SLC25A21: variants seen among roughly 807,000 people sequenced by gnomAD.
SLC25A21 encodes the protein mitochondrial 2-oxodicarboxylate carrier.
In SLC25A21, 47 loss-of-function variants were observed where a neutral mutation model predicts 43.8. The observed-to-expected ratio is 1.07, with a 90% CI of 0.85 to 1.37. The LOEUF is 1.37. Among genes scored for constraint, SLC25A21 ranks in the 40% most tolerant of loss-of-function variants. SLC25A21 has a pLI of 0.00. For missense variants in SLC25A21, 352 were observed against 350.2 expected (o/e 1.00, Z -0.04); for synonymous variants, 131 against 121.3 (o/e 1.08, Z -0.52).
chr14:36,825,432 G>T (rs554908373), intron 2 of SLC25A21, among the ~76,000 whole-genome samples: 134 of 152,192 alleles, frequency 8.8e-4, no homozygotes, highest in Non-Finnish European at 1.5e-3. Flanking sequence ...CAGAAGAGAT[G>T]CATGAATTAA....
chr14:36,948,028 C>T (rs1013792897), intron 1 of SLC25A21, among the ~76,000 whole-genome samples: 2 of 152,122 alleles, frequency 1.3e-5, no homozygotes, highest in Admixed American at 6.6e-5. Flanking sequence ...TATTTTATAA[C>T]AGCACAGAAA....
chr14:36,810,124 T>A (rs1749936), intron 3 of SLC25A21, among the ~76,000 whole-genome samples: 44 of 151,970 alleles, frequency 2.9e-4, no homozygotes, highest in Non-Finnish European at 5.0e-4. Flanking sequence ...TCTCTAAGAC[T>A]AGAGCTCTTT....
intron 7 of SLC25A21, among the ~76,000 whole-genome samples, chr14:36,705,526 A>G (rs917684874): frequency 2.0e-5 from 3 of 152,114 alleles, no homozygotes; most frequent in Non-Finnish European, 4.4e-5. Context: ...GAATGGTATT[A>G]ATATAAAGAA....
At chr14:36,948,324 C>T (rs906931537) in intron 1 of SLC25A21, among the ~76,000 whole-genome samples, 2 of 152,070 alleles carry the variant, frequency 1.3e-5, no homozygotes, top group Non-Finnish European at 2.9e-5. Flanking sequence ...ATTTACTTTC[C>T]TTAGATATAA....
intron 1 of SLC25A21, among the ~76,000 whole-genome samples, chr14:37,013,937 T>C (rs1397645962): frequency 2.0e-5 from 3 of 152,196 alleles, no homozygotes; most frequent in Non-Finnish European, 4.4e-5. Context: ...AGTAGCAGGC[T>C]ATATATTCTA....
intron 3 of SLC25A21, among the ~76,000 whole-genome samples, chr14:36,795,236 T>C (rs1304332529): frequency 2.0e-5 from 3 of 152,148 alleles, no homozygotes; most frequent in African/African-American, 7.2e-5. Context: ...ATTAGAAAAA[T>C]GATTTTAACT....
At chr14:37,134,015 G>A (rs1217388595) in intron 1 of SLC25A21, among the ~76,000 whole-genome samples, 1 of 152,122 alleles carries the variant, frequency 6.6e-6, no homozygotes, top group Non-Finnish European at 1.5e-5. Context: ...TACAGTCAAT[G>A]TTTTTGCTCA....
intron 1 of SLC25A21, among the ~76,000 whole-genome samples, chr14:36,944,027 A>G (rs1478562657): frequency 6.6e-6 from 1 of 152,190 alleles, no homozygotes; most frequent in East Asian, 1.9e-4. Context: ...CAAGAAAAGG[A>G]TACCCAATTC....
chr14:36,988,495 T>C (rs967926082), intron 1 of SLC25A21, among the ~76,000 whole-genome samples: 1 of 152,184 alleles, frequency 6.6e-6, no homozygotes, highest in African/African-American at 2.4e-5. Flanking sequence ...TCTGGGAATA[T>C]AGAAGCCAAA....
chr14:37,084,305 T>C (rs1436579082), intron 1 of SLC25A21, among the ~76,000 whole-genome samples: 2 of 152,224 alleles, frequency 1.3e-5, no homozygotes, highest in African/African-American at 4.8e-5. Context: ...TAGGAGGCTC[T>C]TCCTCTAGAT....
At chr14:36,693,275 C>T (rs1882870824) in intron 7 of SLC25A21, among the ~76,000 whole-genome samples, 1 of 152,130 alleles carries the variant, frequency 6.6e-6, no homozygotes. Context: ...TAGAGGGATT[C>T]TCCTCTGGCT....
At chr14:37,067,032 GA>G (rs1242013936) in intron 1 of SLC25A21, among the ~76,000 whole-genome samples, 9 of 152,040 alleles carry the variant, frequency 5.9e-5, no homozygotes, top group East Asian at 1.9e-4. Flanking sequence ...GTACAGTGGG[GA>G]AAAAAATGTA....
intron 1 of SLC25A21, among the ~76,000 whole-genome samples, chr14:36,929,417 C>T (rs1351587259): frequency 2.6e-5 from 4 of 152,046 alleles, no homozygotes; most frequent in Non-Finnish European, 5.9e-5. Context: ...GTTTTTATTG[C>T]TTTAGTTCAC....
intron 1 of SLC25A21, among the ~76,000 whole-genome samples, chr14:37,046,437 T>C (rs1490522121): frequency 1.3e-5 from 2 of 152,206 alleles, no homozygotes; most frequent in Non-Finnish European, 2.9e-5. Context: ...AAGGATTAAG[T>C]AGCTTCAAAA....
At chr14:36,754,918 G>A (rs887686195) in intron 3 of SLC25A21, among the ~76,000 whole-genome samples, 28 of 152,024 alleles carry the variant, frequency 1.8e-4, no homozygotes, top group African/African-American at 6.5e-4. Context: ...GAGAGCTAAG[G>A]GATGAGAAAA....
At chr14:37,168,811 C>T (rs1566928441) in intron 1 of SLC25A21, among the ~76,000 whole-genome samples, 1 of 152,156 alleles carries the variant, frequency 6.6e-6, no homozygotes, top group Non-Finnish European at 1.5e-5. Context: ...AATAGCTTCA[C>T]AGTGTGGCAC....
At position 36,799,423 on chromosome 14, in the gene SLC25A21, T is replaced by C. The variant is rs146651372; in HGVS notation, c.203+14495A>G. Reference sequence around the variant, plus strand: ...ATTCACCATGGTGGTGTTTCTCATATGTCAAACATGCATGACAGAGCCCAT... The same window carrying C: ...ATTCACCATGGTGGTGTTTCTCATACGTCAAACATGCATGACAGAGCCCAT... On this transcript the variant is annotated intron_variant, in intron 3 of 9. Transcript: ENST00000331299. Among the ~76,000 whole-genome samples, 841 of 152,272 alleles carry C rather than the reference T, an allele frequency of 5.5e-3. 5 individuals carry two copies. The highest frequency in any genetic ancestry group is 0.017 in the African/African-American group (709 of 41,560).
At chr14:36,984,601 T>C (rs2138704349) in intron 1 of SLC25A21, among the ~76,000 whole-genome samples, 1 of 152,214 alleles carries the variant, frequency 6.6e-6, no homozygotes, top group African/African-American at 2.4e-5. Flanking sequence ...TCTAAAACCT[T>C]TGTAGGTTTA....
At chr14:37,080,454 G>C (rs1351001096) in intron 1 of SLC25A21, among the ~76,000 whole-genome samples, 1 of 152,092 alleles carries the variant, frequency 6.6e-6, no homozygotes, top group Non-Finnish European at 1.5e-5. Flanking sequence ...AACCATTTTA[G>C]CTGAGCATGG....
Sources: allele counts gnomAD v4.1 joint callset (sites outside exome capture counted in the v4.1 genomes callset), GRCh38; gene constraint gnomAD v4.1.1; transcripts MANE v1.5; gene names NCBI Gene and HGNC (gene_info 2026-07-23, HGNC 2026-07-21).